TIAM1: variants seen among roughly 807,000 people sequenced by gnomAD.
The protein encoded by TIAM1 is rho guanine nucleotide exchange factor TIAM1.
TIAM1 carries 65 observed loss-of-function variants against 163.5 expected under a neutral mutation model. The ratio of observed to expected loss-of-function variants is 0.40; its 90% confidence interval spans 0.33 to 0.49. The LOEUF (loss-of-function observed/expected upper bound fraction) is 0.49. TIAM1 is among the 20% of genes least tolerant of loss of function. The pLI, the probability that TIAM1 is intolerant of heterozygous loss-of-function variation, is 0.77. For synonymous variants in TIAM1, 833 were observed against 810.1 expected (o/e 1.03, Z -0.48); for missense variants, 1,789 against 2,044.7 (o/e 0.87, Z 2.41).
intron 3 of TIAM1, among the ~76,000 whole-genome samples, chr21:31,270,712 T>C (rs1011228517): frequency 2.6e-4 from 40 of 152,240 alleles, no homozygotes; most frequent in African/African-American, 9.6e-4. Context: ...CACTATGAGA[T>C]TTTTTTGCAA....
intron 4 of TIAM1, among the ~76,000 whole-genome samples, chr21:31,257,815 G>A (rs759069901): frequency 5.3e-5 from 8 of 151,866 alleles, no homozygotes; most frequent in Non-Finnish European, 8.8e-5. Context: ...GAATACTCAC[G>A]TCCCCCCTTT....
At chr21:31,346,476 AC>A (rs1387986085), upstream of TIAM1, among the ~76,000 whole-genome samples, 17 of 152,324 alleles carry the variant, frequency 1.1e-4, no homozygotes, top group Non-Finnish European at 1.9e-4. Flanking sequence ...CTACTGACTT[AC>A]GCTGAATCTG....
chr21:31,404,394 C>G (rs1008541518), intron 2 of TIAM1, among the ~76,000 whole-genome samples: 1 of 152,116 alleles, frequency 6.6e-6, no homozygotes, highest in African/African-American at 2.4e-5. Flanking sequence ...GCTAAAAAGC[C>G]ATGTGTCTAT....
intron 4 of TIAM1, among the ~76,000 whole-genome samples, chr21:31,261,358 T>C (rs1349575832): frequency 1.3e-5 from 2 of 151,024 alleles, no homozygotes; most frequent in Non-Finnish European, 2.9e-5. Context: ...GGGGAGGTAG[T>C]CAGTGTGGGT....
Position 31,118,726 on chromosome 21 carries a change from A to G in TIAM1, c.*1642T>C, listed in dbSNP as rs546426245. On this transcript the variant is annotated 3_prime_UTR_variant, in exon 28 of 28. Coordinates refer to ENST00000541036, the MANE Select transcript of TIAM1 (RefSeq NM_001353694.2). Reference sequence around the variant, plus strand: ...AAAAATGCAGTGATACAAAGGGTATAGAAACCATTCTAAAGCTTTTTCAGA... The same window carrying G: ...AAAAATGCAGTGATACAAAGGGTATGGAAACCATTCTAAAGCTTTTTCAGA... 18 of 431,296 alleles carry G rather than the reference A, an allele frequency of 4.2e-5. No individual in the cohort carries two copies. The highest frequency in any genetic ancestry group is 7.6e-5 in the Non-Finnish European group (16 of 211,572). 26.7% of individuals were successfully genotyped at this position (431,296 alleles called of 1,614,324 possible).
chr21:31,165,108 G>A (rs765682355), intron 15 of TIAM1, 43 bp from the exon 16 acceptor site: 2 of 1,596,034 alleles, frequency 1.3e-6, no homozygotes, highest in African/African-American at 1.3e-5. Flanking sequence ...AACATGGACA[G>A]TAATTGCTAA....
At chr21:31,338,532 G>A (rs144847099) in intron 2 of TIAM1, among the ~76,000 whole-genome samples, 42 of 152,134 alleles carry the variant, frequency 2.8e-4, no homozygotes, top group African/African-American at 8.4e-4. Context: ...GGAAGTAAAC[G>A]GGGACTGCAT....
At chr21:31,476,471 G>A (rs1470592660) in intron 1 of TIAM1, among the ~76,000 whole-genome samples, 2 of 152,204 alleles carry the variant, frequency 1.3e-5, no homozygotes, top group Non-Finnish European at 2.9e-5. Context: ...TTGAGCGAGG[G>A]AGCTGTTGTC....
chr21:31,193,087 A>G (rs1476192310), intron 13 of TIAM1, among the ~76,000 whole-genome samples: 1 of 152,216 alleles, frequency 6.6e-6, no homozygotes, highest in Admixed American at 6.5e-5. Context: ...TATTCAAGCC[A>G]TACAGTGTAA....
chr21:31,395,259 G>T lies in TIAM1; in HGVS notation c.-368-55837C>A, dbSNP rs1602175938. On this transcript the variant is annotated intron_variant, in intron 2 of 28. Coordinates refer to the TIAM1 transcript ENST00000286827. This position sits in a 1 kb window ranked among gnomAD's most constrained non-coding sequence, Gnocchi z 7.5. ...TCTCAAAAAAAAAAAAGAGGAGGTG[G>T]GGGGAGAACAAAACTAGTAATTGGA... Among the ~76,000 whole-genome samples, 2 of 152,020 alleles carry T rather than the reference G, an allele frequency of 1.3e-5. No homozygotes were observed. Among genetic ancestry groups the T allele is most frequent in the East Asian group, 3.9e-4 (2 of 5,166 alleles).
intron 2 of TIAM1, among the ~76,000 whole-genome samples, chr21:31,288,729 A>C (rs71321375): frequency 0.026 from 4,017 of 152,350 alleles, 74 homozygotes; most frequent in Non-Finnish European, 0.038. Flanking sequence ...ACACAAAAAC[A>C]AAACCAAACC....
At chr21:31,423,867 GGGGGGGT>G in intron 2 of TIAM1, among the ~76,000 whole-genome samples, 1 of 128,626 alleles carries the variant, frequency 7.8e-6, no homozygotes, top group African/African-American at 2.9e-5. Flanking sequence ...GGGGGGCGGG[GGGGGGGT>G]CAAGGGAGTT....
At chr21:31,538,048 TG>T (rs2048195673) in intron 1 of TIAM1, among the ~76,000 whole-genome samples, 1 of 152,110 alleles carries the variant, frequency 6.6e-6, no homozygotes, top group Non-Finnish European at 1.5e-5. Flanking sequence ...AATACATCTA[TG>T]GGGTTAGAAA....
chr21:31,409,970 G>C (rs1006402716), intron 2 of TIAM1, among the ~76,000 whole-genome samples: 1 of 152,014 alleles, frequency 6.6e-6, no homozygotes. Flanking sequence ...GAAAAAAGGA[G>C]ATCCAAGTTT....
At chr21:31,160,364 C>A (rs146917638) in intron 16 of TIAM1, 2 of 398,076 alleles carry the variant, frequency 5.0e-6, no homozygotes, top group Non-Finnish European at 8.9e-6. Context: ...CACTGTCATT[C>A]GGATTGAAAA....
intron 11 of TIAM1, 56 bp downstream of exon 11, chr21:31,209,989 G>A: frequency 4.5e-6 from 7 of 1,555,622 alleles, no homozygotes; most frequent in Non-Finnish European, 6.1e-6. Flanking sequence ...TGCCTTAGAA[G>A]ATTGCTACAC....
intron 1 of TIAM1, among the ~76,000 whole-genome samples, chr21:31,546,514 C>T (rs889178150): frequency 1.4e-5 from 2 of 141,200 alleles, no homozygotes; most frequent in Non-Finnish European, 3.1e-5. Context: ...CGCACCATTG[C>T]ACTCCAGCCT....
intron 20 of TIAM1, 96 bp downstream of exon 20, chr21:31,146,799 A>C: frequency 1.1e-6 from 1 of 894,566 alleles, no homozygotes; most frequent in Non-Finnish European, 1.8e-6. Context: ...CTGGCAACCA[A>C]TGACTCTTAG....
intron 1 of TIAM1, among the ~76,000 whole-genome samples, chr21:31,489,501 GGGAGAC>G (rs1296576021): frequency 1.5e-5 from 2 of 131,446 alleles, no homozygotes; most frequent in African/African-American, 6.1e-5. Flanking sequence ...GAGAGAGGGA[GGGAGAC>G]AGGGAGGGAA....
Sources: allele counts gnomAD v4.1 joint callset (sites outside exome capture counted in the v4.1 genomes callset), GRCh38; gene constraint gnomAD v4.1.1; non-coding constraint Gnocchi (gnomAD v3.1); transcripts MANE v1.5; gene names NCBI Gene and HGNC (gene_info 2026-07-23, HGNC 2026-07-21).